Variants in ASCC3 observed in about 807,000 individuals in gnomAD.
The protein encoded by ASCC3 is activating signal cointegrator 1 complex subunit 3, also known as ASC-1 complex subunit P200.
Under a neutral mutation model 256.3 loss-of-function variants are expected in ASCC3, and 158 were observed. The ratio of observed to expected loss-of-function variants is 0.62; its 90% CI spans 0.54 to 0.70. The LOEUF (loss-of-function observed/expected upper bound fraction) is 0.70, where lower values mean the gene tolerates loss of function less well. Ranked by LOEUF, ASCC3 falls within the 30% of genes least tolerant of loss-of-function variation. The pLI is 0.00. For synonymous variants in ASCC3, 948 were observed against 883.4 expected, an observed-to-expected ratio of 1.07 and a Z score of -1.30; for missense variants, 2,259 against 2,626.0, an observed-to-expected ratio of 0.86 and a Z score of 3.05.
chr6:100,569,670 CG>C, intron 36 of ASCC3, among the ~76,000 whole-genome samples: 1 of 152,250 alleles, frequency 6.6e-6, no homozygotes, highest in African/African-American at 2.4e-5. Context: ...AGGCGTGGCG[CG>C]GTCGGTTACT....
intron 8 of ASCC3, among the ~76,000 whole-genome samples, chr6:100,797,757 T>C (rs1181310983): frequency 1.3e-5 from 2 of 152,104 alleles, no homozygotes; most frequent in East Asian, 3.9e-4. Flanking sequence ...GTACTTCTGA[T>C]ATACAAGATA....
chr6:100,541,987 A>G (rs746643063), intron 36 of ASCC3, among the ~76,000 whole-genome samples: 1 of 152,328 alleles, frequency 6.6e-6, no homozygotes, highest in African/African-American at 2.4e-5. Context: ...ATCAATAGAC[A>G]CTATTAAAAA....
chr6:100,648,846 C>T (rs944058932), intron 20 of ASCC3, among the ~76,000 whole-genome samples: 3 of 151,810 alleles, frequency 2.0e-5, no homozygotes, highest in South Asian at 2.1e-4. Context: ...AAGATACAAA[C>T]AGGACATGTT....
intron 36 of ASCC3, among the ~76,000 whole-genome samples, chr6:100,572,945 C>T (rs1770672452): frequency 6.6e-6 from 1 of 151,912 alleles, no homozygotes; most frequent in Non-Finnish European, 1.5e-5. Flanking sequence ...TGGAATGAAA[C>T]ATTGTTACAT....
Position 100,638,817 on chromosome 6 carries a change from T to C in ASCC3, c.3906A>G (p.Leu1302=). 6.2e-7 allele frequency: 1 copy of C among 1,613,986 alleles called. No individual in the cohort carries two copies. The highest frequency in any genetic ancestry group is 8.5e-7 in the Non-Finnish European group (1 of 1,179,876). The change falls in exon 25 of 42, where the codon TTA becomes TTG. Residue 1302 remains leucine, a synonymous_variant. Coordinates refer to ENST00000369162, the MANE Select transcript of ASCC3 (RefSeq NM_006828.4). ...LPERHPPHTE[L]LDLQPLPITA... ...TGATTGGTAAAGGCTGAAGATCCAG[T>C]AATTCTGAAAAGACCCAACAGGATG...
At chr6:100,691,046 C>T (rs1777822381) in intron 13 of ASCC3, among the ~76,000 whole-genome samples, 2 of 152,028 alleles carry the variant, frequency 1.3e-5, no homozygotes, top group South Asian at 4.1e-4. Flanking sequence ...ATCAACAATA[C>T]TTTACATCTC....
intron 4 of ASCC3, among the ~76,000 whole-genome samples, chr6:100,834,241 ATTTAT>A (rs1397685583): frequency 3.3e-5 from 5 of 152,224 alleles, no homozygotes; most frequent in African/African-American, 1.2e-4. Flanking sequence ...TCACATTAGA[ATTTAT>A]TTTATTTTTC....
intron 30 of ASCC3, among the ~76,000 whole-genome samples, chr6:100,614,217 A>G (rs1043579473): frequency 6.6e-6 from 1 of 152,198 alleles, no homozygotes; most frequent in Admixed American, 6.5e-5. Context: ...TTAAAAATGC[A>G]GATAAAGGTA....
intron 10 of ASCC3, among the ~76,000 whole-genome samples, chr6:100,734,189 C>T (rs1780038482): frequency 6.6e-6 from 1 of 152,046 alleles, no homozygotes; most frequent in African/African-American, 2.4e-5. Context: ...AATTTTTTAC[C>T]ACCATGTGAT....
intron 34 of ASCC3, among the ~76,000 whole-genome samples, chr6:100,597,921 C>CCGAGATAG (rs1004322035): frequency 1.4e-5 from 2 of 147,458 alleles, no homozygotes; most frequent in African/African-American, 5.1e-5. Flanking sequence ...TTGCAGTGAG[C>CCGAGATAG]CGAGATAGCG....
At chr6:100,588,836 A>G (rs1178605420) in intron 36 of ASCC3, among the ~76,000 whole-genome samples, 1 of 152,260 alleles carries the variant, frequency 6.6e-6, no homozygotes, top group African/African-American at 2.4e-5. Flanking sequence ...GTGAACTACC[A>G]TAGAGTCAAT....
intron 4 of ASCC3, among the ~76,000 whole-genome samples, chr6:100,844,500 C>T (rs1477473152): frequency 2.6e-5 from 4 of 151,872 alleles, no homozygotes; most frequent in African/African-American, 9.7e-5. Context: ...CTGAAACACC[C>T]GCAGCAGGAA....
intron 3 of ASCC3, among the ~76,000 whole-genome samples, chr6:100,850,944 A>G (rs1302746558): frequency 1.3e-5 from 2 of 152,196 alleles, no homozygotes; most frequent in African/African-American, 4.8e-5. Context: ...CAAAAATGGA[A>G]TTCACATTTA....
chr6:100,582,524 G>C lies in ASCC3; in HGVS notation c.5550+7110C>G, dbSNP rs373948135. Among the ~76,000 whole-genome samples the C allele has an allele frequency of 7.9e-5, 12 of 151,916 alleles. 1 individual carries two copies. The highest frequency in any genetic ancestry group is 6.2e-4 in the South Asian group (3 of 4,816). ...GGTTTTCTAGATATACAATCATGTCGTCTGCAAACAGGGACAATTTGACTT... is the reference window on the plus strand; with the variant it reads ...GGTTTTCTAGATATACAATCATGTCCTCTGCAAACAGGGACAATTTGACTT... On this transcript the variant is annotated intron_variant, in intron 36 of 41. Transcript: ENST00000369162.
intron 8 of ASCC3, among the ~76,000 whole-genome samples, chr6:100,790,110 T>C (rs550108144): frequency 7.2e-5 from 11 of 151,946 alleles, no homozygotes; most frequent in Non-Finnish European, 1.2e-4. Context: ...GAGAAATTAA[T>C]TGAAGGGACA....
chr6:100,797,767 A>G (rs1769704406), intron 8 of ASCC3, among the ~76,000 whole-genome samples: 1 of 152,154 alleles, frequency 6.6e-6, no homozygotes, highest in African/African-American at 2.4e-5. Context: ...TATACAAGAT[A>G]TAACTAGAAT....
rs1178657781 is a variant in ASCC3, at chr6:100,537,940, T to TA, written c.5775+2222dup. The stretch of plus-strand genomic sequence containing the variant: ...ATATACTGTATATAAAAATATCTAA[T>TA]AGAGGCTAAAAGTACCTGGCTGAAT... On this transcript the variant is annotated intron_variant, in intron 37 of 41. Coordinates refer to ENST00000369162, the MANE Select transcript of ASCC3 (RefSeq NM_006828.4). Among the ~76,000 whole-genome samples, 4 of 150,918 alleles carry TA rather than the reference T, an allele frequency of 2.7e-5. No homozygotes were observed. In the South Asian group the frequency reaches 6.2e-4, roughly 24 times the overall value.
rs1934514362 is a variant in ASCC3 at position 100,809,471 on chromosome 6, T to C, written c.802-3591A>G. 6.6e-5 allele frequency among the ~76,000 whole-genome samples: 10 copies of C among 152,238 alleles called. No individual in the cohort carries two copies. In the South Asian group the frequency reaches 2.1e-3, roughly 32 times the overall value. On this transcript the variant is annotated intron_variant, in intron 4 of 41. Coordinates refer to ENST00000369162, the MANE Select transcript of ASCC3 (RefSeq NM_006828.4). ...AAGATGTCACTGGTGATAGAAATTTTTCAGTTCTATTATAATCTTACAGCA... is the reference window on the plus strand; with the variant it reads ...AAGATGTCACTGGTGATAGAAATTTCTCAGTTCTATTATAATCTTACAGCA...
At chr6:100,665,917 T>C (rs1333660345) in intron 14 of ASCC3, among the ~76,000 whole-genome samples, 3 of 152,072 alleles carry the variant, frequency 2.0e-5, no homozygotes, top group Non-Finnish European at 4.4e-5. Context: ...GCTACCATCA[T>C]AATCAAGAGG....
Sources: gnomAD v4.1 joint callset for allele counts (sites outside exome capture counted in the v4.1 genomes callset) on GRCh38, gnomAD v4.1.1 for gene constraint, MANE v1.5 for transcripts, NCBI Gene and HGNC (gene_info 2026-07-23, HGNC 2026-07-21) for gene names.